GTPBP6: variants seen among roughly 807,000 people sequenced by gnomAD.
GTPBP6 encodes GTP binding protein 6.
A neutral mutation model predicts 28.9 loss-of-function variants in GTPBP6; 33 were observed. That is an observed-to-expected ratio of 1.14 (90% CI 0.87 to 1.53). The LOEUF (loss-of-function observed/expected upper bound fraction) is 1.53, where lower values mean the gene tolerates loss of function less well. Ranked by LOEUF, GTPBP6 falls within the 40% of genes most tolerant of loss-of-function variation. The pLI is 0.00. For missense variants in GTPBP6, 507 were observed against 408.3 expected (o/e 1.24, Z -2.08); for synonymous variants, 231 against 192.7 (o/e 1.20, Z -1.65).
At chrX:313,081 T>C (rs1436294429) in intron 5 of GTPBP6, among the ~76,000 whole-genome samples, 157 bp from the exon 6 acceptor site, 15 of 152,206 alleles carry the variant, frequency 9.9e-5, no homozygotes, top group Non-Finnish European at 1.0e-4. Flanking sequence ...ACACGTCCTG[T>C]TCCATGAGAA....
chrX:307,774 TC>T lies in GTPBP6; in HGVS notation c.1231del (p.Asp411ThrfsTer37). 6.5e-7 allele frequency: 1 copy of T among 1,532,606 alleles called. No individual in the cohort carries two copies. The highest frequency in any genetic ancestry group is 8.8e-7 in the Non-Finnish European group (1 of 1,140,540). 94.9% of individuals were successfully genotyped at this position (1,532,606 alleles called of 1,614,324 possible). On this transcript the variant is annotated frameshift_variant, in exon 8 of 10. Coordinates refer to ENST00000326153, the Ensembl canonical transcript of GTPBP6. LOFTEE classifies it high-confidence loss of function. ...CTTGTTGTGAACCTCCACCATGGAGTCCAGGAGCGGGGCGGGCAGCTGCAGG... is the reference window on the plus strand; with the variant it reads ...CTTGTTGTGAACCTCCACCATGGAGTCAGGAGCGGGGCGGGCAGCTGCAGG...
intron 3 of GTPBP6, 65 bp from the exon 4 acceptor site, chrX:315,085 A>G (rs2070404733): frequency 9.3e-5 from 37 of 398,606 alleles, no homozygotes. Flanking sequence ...CCAATGTGAG[A>G]GGAAGGAGGA....
chrX:316,825 C>G (rs1255827431), intron 2 of GTPBP6, 89 bp downstream of exon 2: 1 of 399,034 alleles, frequency 2.5e-6, no homozygotes, highest in Admixed American at 4.4e-5. Context: ...CGCAAGACCC[C>G]CGTACTTCAG....
chrX:313,782 A>AG, intron 5 of GTPBP6, among the ~76,000 whole-genome samples: 1 of 152,292 alleles, frequency 6.6e-6, no homozygotes, highest in South Asian at 2.1e-4. Context: ...TGGGAGAGGC[A>AG]GAAGGAGCCC....
exon 6 of GTPBP6, chrX:312,862 C>T (rs775341013): frequency 2.5e-6 from 4 of 1,612,560 alleles, no homozygotes; most frequent in African/African-American, 1.3e-5. Context: ...CTGTCCAAGG[C>T]CTTCCTGATC....
At chrX:311,353 C>T (rs867083178) in intron 7 of GTPBP6, 66 bp downstream of exon 7, 4 of 1,042,184 alleles carry the variant, frequency 3.8e-6, no homozygotes, top group Admixed American at 2.2e-5. Context: ...CTGTGTGTGT[C>T]TGAGTGCCCA....
At chrX:314,452 G>C (rs1287620265) in intron 4 of GTPBP6, among the ~76,000 whole-genome samples, 1 of 152,016 alleles carries the variant, frequency 6.6e-6, no homozygotes, top group Non-Finnish European at 1.5e-5. Flanking sequence ...GCCCCGGAGA[G>C]AGAGCCCACA....
chrX:310,016 G>A (rs1346842979), intron 7 of GTPBP6, among the ~76,000 whole-genome samples: 3 of 138,690 alleles, frequency 2.2e-5, no homozygotes, highest in African/African-American at 5.9e-5. Context: ...GCCCAGGGAC[G>A]CCTGGAGCCC....
At chrX:311,670 T>A (rs778358477) in intron 6 of GTPBP6, 43 bp from the exon 7 acceptor site, 1 of 1,471,704 alleles carries the variant, frequency 6.8e-7, no homozygotes, top group South Asian at 1.1e-5. Context: ...GATCCCTGCG[T>A]CCCAACTCCT....
intron 6 of GTPBP6, chrX:312,413 G>A (rs1415578897): frequency 3.8e-5 from 20 of 521,834 alleles, no homozygotes; most frequent in African/African-American, 3.6e-4. Context: ...CAGGGTGGTG[G>A]TATAGATAGG....
chrX:317,756 C>T (rs1434757366), intron 1 of GTPBP6, among the ~76,000 whole-genome samples: 4 of 142,294 alleles, frequency 2.8e-5, no homozygotes, highest in Admixed American at 2.1e-4. Context: ...CCCACCCCAT[C>T]CCACGGACTC....
rs1037994253 is a variant in GTPBP6, at chrX:307,945, A to G, written c.1126-65T>C. ...GGTCCCTGACCCCAAGCTTGCAGAC[A>G]GGCCCAGGAGAGGGGCTCACACGAG... On this transcript the variant is annotated intron_variant, in intron 7 of 9. Transcript: ENST00000326153. 56 of 1,372,078 alleles carry G rather than the reference A, an allele frequency of 4.1e-5. No individual in the cohort carries two copies. The African/African-American group carries it at 6.9e-4, about 17-fold the overall frequency. The allele number at this position is 1,372,078 out of a possible 1,614,324, so 85.0% of individuals were successfully genotyped here. A position where few individuals can be genotyped will look rare whatever the true frequency, so the allele number is the denominator to read the frequency against.
intron 6 of GTPBP6, 190 bp downstream of exon 6, chrX:312,576 C>T (rs182803556): frequency 2.8e-6 from 2 of 717,378 alleles, no homozygotes; most frequent in Admixed American, 2.0e-5. Flanking sequence ...AACCCGTCTC[C>T]TGGGTGAGCT....
At chrX:314,611 T>C (rs866730801) in intron 4 of GTPBP6, among the ~76,000 whole-genome samples, 1 of 152,114 alleles carries the variant, frequency 6.6e-6, no homozygotes, top group African/African-American at 2.4e-5. Context: ...TAGCTGGGAT[T>C]TCAGGCGCCC....
intron 4 of GTPBP6, among the ~76,000 whole-genome samples, 160 bp downstream of exon 4, chrX:314,730 C>T (rs2070397100): frequency 6.6e-6 from 1 of 151,996 alleles, no homozygotes; most frequent in South Asian, 2.1e-4. Context: ...CCCACCTCGG[C>T]CTCCCAAAGT....
intron 4 of GTPBP6, among the ~76,000 whole-genome samples, chrX:314,495 C>T (rs777523840): frequency 1.5e-4 from 23 of 148,876 alleles, no homozygotes; most frequent in African/African-American, 4.2e-4. Flanking sequence ...TTTTTTTAGA[C>T]GGAGTCTCGC....
intron 9 of GTPBP6, among the ~76,000 whole-genome samples, chrX:305,693 T>C (rs1259345374): frequency 6.8e-5 from 10 of 147,486 alleles, no homozygotes; most frequent in Admixed American, 2.7e-4. Context: ...GGCACGATCT[T>C]GGCTCACTGC....
At chrX:306,044 C>T (rs1357561580) in intron 9 of GTPBP6, among the ~76,000 whole-genome samples, 1 of 152,212 alleles carries the variant, frequency 6.6e-6, no homozygotes, top group Non-Finnish European at 1.5e-5. Flanking sequence ...GGTTACAGGC[C>T]TGTGCCACGG....
chrX:307,466 C>A (rs764687426), exon 9 of GTPBP6: 1 of 1,611,412 alleles, frequency 6.2e-7, no homozygotes, highest in African/African-American at 1.3e-5. Flanking sequence ...AGCCCGTGGC[C>A]CCGCAGGGCA....
Sources: gnomAD v4.1 joint callset for allele counts (sites outside exome capture counted in the v4.1 genomes callset) on GRCh38, gnomAD v4.1.1 for gene constraint, MANE v1.5 for transcripts, NCBI Gene and HGNC (gene_info 2026-07-23, HGNC 2026-07-21) for gene names.